HIVEP3: variants seen among roughly 807,000 people sequenced by gnomAD.
HIVEP3 encodes HIVEP zinc finger 3, also known as transcription factor HIVEP3.
A neutral mutation model predicts 152.8 loss-of-function variants in HIVEP3; 49 were observed. That is an observed-to-expected ratio of 0.32 (90% CI 0.26 to 0.41). The LOEUF (loss-of-function observed/expected upper bound fraction) is 0.41. Ranked by LOEUF, HIVEP3 falls within the 10% of genes least tolerant of loss-of-function variation. HIVEP3 has a pLI of 1.00. For missense variants in HIVEP3, 2,790 were observed against 3,103.3 expected (o/e 0.90, Z 2.40); for synonymous variants, 1,269 against 1,289.0 (o/e 0.98, Z 0.33).
At chr1:41,954,897 G>T (rs940723977) in intron 1 of HIVEP3, among the ~76,000 whole-genome samples, 3 of 151,958 alleles carry the variant, frequency 2.0e-5, no homozygotes, top group Non-Finnish European at 4.4e-5. Flanking sequence ...AGCTTGGGAC[G>T]TGAGTCACAC....
intron 2 of HIVEP3, among the ~76,000 whole-genome samples, chr1:41,665,923 G>A (rs541743364): frequency 6.6e-6 from 1 of 152,270 alleles, no homozygotes; most frequent in Admixed American, 6.5e-5. Flanking sequence ...CTCCCAAGGA[G>A]CTAGGGACCA....
upstream of HIVEP3, among the ~76,000 whole-genome samples, chr1:41,921,758 C>T (rs550571929): frequency 3.3e-5 from 5 of 152,254 alleles, no homozygotes; most frequent in South Asian, 1.0e-3. Flanking sequence ...GGAACATGGT[C>T]AGTTTCTCCA....
chr1:41,946,051 A>G (rs1041802477), intron 1 of HIVEP3, among the ~76,000 whole-genome samples: 6 of 152,210 alleles, frequency 3.9e-5, no homozygotes, highest in Non-Finnish European at 4.4e-5. Context: ...CCACCGCTTT[A>G]GTCATGGCCC....
intron 6 of HIVEP3, among the ~76,000 whole-genome samples, chr1:41,524,045 C>T (rs1298818321): frequency 6.6e-6 from 1 of 152,162 alleles, no homozygotes; most frequent in East Asian, 1.9e-4. Context: ...AGGCCATGCC[C>T]ATCACCCATC....
intron 1 of HIVEP3, among the ~76,000 whole-genome samples, chr1:41,777,972 C>G (rs894450703): frequency 6.6e-6 from 1 of 152,246 alleles, no homozygotes. Flanking sequence ...TTCAACAAAT[C>G]TATTCAATCG....
At chr1:42,008,810 A>T (rs374237008) in intron 1 of HIVEP3, among the ~76,000 whole-genome samples, 16 of 152,322 alleles carry the variant, frequency 1.1e-4, no homozygotes, top group African/African-American at 3.8e-4. Flanking sequence ...TCCTTTGTAC[A>T]GGTATTCTCC....
chr1:41,842,525 G>A (rs1643317827), intron 1 of HIVEP3, among the ~76,000 whole-genome samples: 1 of 152,056 alleles, frequency 6.6e-6, no homozygotes, highest in South Asian at 2.1e-4. Context: ...TTTGAAAGCA[G>A]CCTCTGGGGC....
chr1:42,022,771 G>C (rs1173094918), intron 1 of HIVEP3, among the ~76,000 whole-genome samples: 2 of 152,186 alleles, frequency 1.3e-5, no homozygotes, highest in Non-Finnish European at 2.9e-5. Flanking sequence ...TTATGATGTG[G>C]AGTCTTCTCT....
intron 2 of HIVEP3, among the ~76,000 whole-genome samples, chr1:41,693,213 G>A (rs1646222306): frequency 6.6e-6 from 1 of 152,222 alleles, no homozygotes; most frequent in African/African-American, 2.4e-5. Flanking sequence ...TTGTTTAGAA[G>A]TGAACTACTG....
At chr1:41,978,685 A>G (rs1645276128) in intron 1 of HIVEP3, among the ~76,000 whole-genome samples, 1 of 152,210 alleles carries the variant, frequency 6.6e-6, no homozygotes, top group Admixed American at 6.5e-5. Context: ...TCAGCAAAGG[A>G]GCAGCCACTC....
In HIVEP3 at chr1:41,717,353, A is replaced by C. The variant is rs182319038; in HGVS notation, c.-800-16358T>G. 1.5e-3 allele frequency among the ~76,000 whole-genome samples: 236 copies of C among 152,378 alleles called. 1 individual carries two copies. The highest frequency in any genetic ancestry group is 5.4e-3 in the African/African-American group (225 of 41,588). On this transcript the variant is annotated intron_variant, in intron 1 of 8. Transcript: ENST00000372583. ...AAAAACTCCTGTCCTCTTGGAACTTAAATTCTAATAGGGGAAACAGACAAC... is the reference window on the plus strand; with the variant it reads ...AAAAACTCCTGTCCTCTTGGAACTTCAATTCTAATAGGGGAAACAGACAAC...
intron 2 of HIVEP3, among the ~76,000 whole-genome samples, chr1:41,633,895 C>T (rs923531330): frequency 6.6e-5 from 10 of 152,154 alleles, no homozygotes; most frequent in Non-Finnish European, 1.3e-4. Flanking sequence ...TTTGCCTTAC[C>T]AACAAGTTTG....
intron 1 of HIVEP3, among the ~76,000 whole-genome samples, chr1:41,798,636 A>G (rs1003041170): frequency 5.3e-5 from 8 of 152,194 alleles, no homozygotes; most frequent in African/African-American, 1.2e-4. Flanking sequence ...TTTCTCCCCA[A>G]TTAAAAAATG....
intron 1 of HIVEP3, among the ~76,000 whole-genome samples, chr1:41,977,379 C>T (rs1405894534): frequency 6.6e-6 from 1 of 152,064 alleles, no homozygotes; most frequent in Non-Finnish European, 1.5e-5. Flanking sequence ...CACAGCTACC[C>T]CAGGAGAGAG....
chr1:41,810,557 G>A (rs569012607), intron 1 of HIVEP3, among the ~76,000 whole-genome samples: 11 of 152,296 alleles, frequency 7.2e-5, no homozygotes, highest in Non-Finnish European at 1.3e-4. Flanking sequence ...ACACCAGTAG[G>A]GGCTGGCCCC....
chr1:41,828,788 G>C (rs968937052), intron 1 of HIVEP3, among the ~76,000 whole-genome samples: 5 of 152,186 alleles, frequency 3.3e-5, no homozygotes, highest in Admixed American at 3.3e-4. Context: ...CCTGCACCCT[G>C]GCCAGTCTCC....
chr1:41,893,873 A>G (rs1268086891), intron 1 of HIVEP3, among the ~76,000 whole-genome samples: 2 of 147,322 alleles, frequency 1.4e-5, no homozygotes, highest in South Asian at 2.1e-4. Flanking sequence ...TATATATTAT[A>G]TATTATATAT....
chr1:42,034,540 A>G (rs1415278465), intron 1 of HIVEP3, among the ~76,000 whole-genome samples: 2 of 152,224 alleles, frequency 1.3e-5, no homozygotes, highest in East Asian at 3.9e-4. Context: ...ACGAGCAGAT[A>G]AAAGTGCTAA....
exon 1 of HIVEP3, chr1:42,035,867 C>A (rs1645641276): frequency 6.7e-6 from 1 of 149,582 alleles, no homozygotes; most frequent in African/African-American, 2.4e-5. Context: ...GGGCGGCGGG[C>A]GGCAGCGCTG....
Sources: allele counts gnomAD v4.1 joint callset (sites outside exome capture counted in the v4.1 genomes callset), GRCh38; gene constraint gnomAD v4.1.1; transcripts MANE v1.5; gene names NCBI Gene and HGNC (gene_info 2026-07-23, HGNC 2026-07-21).